ASB4: variants seen among roughly 807,000 people sequenced by gnomAD.
ASB4 encodes ankyrin repeat and SOCS box containing 4, also known as ankyrin repeat and SOCS box protein 4.
In ASB4, 35 loss-of-function variants were observed where a neutral mutation model predicts 38.6. The ratio of observed to expected loss-of-function variants is 0.91; its 90% CI spans 0.69 to 1.20. The LOEUF is 1.20. Among genes scored for constraint, ASB4 ranks in the 50% most tolerant of loss-of-function variants. ASB4 has a pLI of 0.00. For missense variants in ASB4, 557 were observed against 527.2 expected, an observed-to-expected ratio of 1.06 and a Z score of -0.55; for synonymous variants, 195 against 201.3, an observed-to-expected ratio of 0.97 and a Z score of 0.26.
At chr7:95,523,984 GAAA>G (rs1424604831) in intron 2 of ASB4, among the ~76,000 whole-genome samples, 1 of 152,174 alleles carries the variant, frequency 6.6e-6, no homozygotes, top group African/African-American at 2.4e-5. Flanking sequence ...TAAATAGACG[GAAA>G]ATACCAATGT....
chr7:95,543,748 G>A, downstream of ASB4: 1 of 152,222 alleles, frequency 6.6e-6, no homozygotes, highest in Non-Finnish European at 1.5e-5. Context: ...TGTTGTGTGT[G>A]GGGAGCAGAG....
the ASB4 span, among the ~76,000 whole-genome samples, chr7:95,551,220 A>G: frequency 2.0e-5 from 3 of 152,206 alleles, no homozygotes; most frequent in Non-Finnish European, 2.9e-5. Flanking sequence ...ACCTCGGGAC[A>G]TCCACTCGGC....
At chr7:95,515,267 CTCTT>C (rs1227960057) in intron 2 of ASB4, among the ~76,000 whole-genome samples, 6,845 of 72,572 alleles carry the variant, frequency 0.094, 440 homozygotes, top group Middle Eastern at 0.12. Context: ...TTCTTTCTTT[CTCTT>C]TCTTTCTTTC....
At chr7:95,502,796 T>C (rs1001620451) in intron 2 of ASB4, among the ~76,000 whole-genome samples, 1 of 152,196 alleles carries the variant, frequency 6.6e-6, no homozygotes, top group Non-Finnish European at 1.5e-5. Flanking sequence ...TGTACCACAA[T>C]TGAAAATATA....
intron 2 of ASB4, among the ~76,000 whole-genome samples, chr7:95,512,905 C>T (rs1288416705): frequency 6.6e-6 from 1 of 152,168 alleles, no homozygotes; most frequent in East Asian, 1.9e-4. Context: ...CCTGTGATTA[C>T]ATGTTACTTG....
At chr7:95,513,510 A>G (rs1562816377) in intron 2 of ASB4, among the ~76,000 whole-genome samples, 1 of 152,022 alleles carries the variant, frequency 6.6e-6, no homozygotes, top group African/African-American at 2.4e-5. Flanking sequence ...AAGACTTTCA[A>G]TGGAGTGGAT....
At chr7:95,504,350 A>C (rs112363198) in intron 2 of ASB4, among the ~76,000 whole-genome samples, 14,078 of 152,192 alleles carry the variant, frequency 0.093, 843 homozygotes, top group African/African-American at 0.16. Flanking sequence ...ACACAAGTCA[A>C]CCACATGTTA....
At position 95,537,766 on chromosome 7, in the gene ASB4, T is replaced by C; in HGVS notation, c.*7T>C. 1.2e-6 allele frequency: 2 copies of C among 1,611,228 alleles called. No individual in the cohort carries two copies. The highest frequency in any genetic ancestry group is 8.5e-7 in the Non-Finnish European group (1 of 1,178,060). On this transcript the variant is annotated 3_prime_UTR_variant, in exon 5 of 5. Transcript: ENST00000325885. The stretch of plus-strand genomic sequence containing the variant: ...AGAGGGAATTATTTATTAAGCCTTA[T>C]GAGACAGCAGTTCCCAATCCTAGGT...
chr7:95,528,028 T>C lies in ASB4; in HGVS notation c.703T>C (p.Cys235Arg). The C allele has an allele frequency of 6.2e-7, 1 of 1,614,152 alleles. No individual in the cohort carries two copies. Among genetic ancestry groups the C allele is most frequent in the Non-Finnish European group, 8.5e-7 (1 of 1,180,034 alleles). ...GTACAGCACGGAGCACCACCTGGTC[T>C]GCCGCATGCTGCTTGACTACAAAGC... is the stretch of plus-strand genomic sequence containing the variant. ...QEYSTEHHLVCRMLLDYKAEV... is the reference protein window; with the variant it reads ...QEYSTEHHLVRRMLLDYKAEV... The change falls in exon 3 of 5, where the codon TGC becomes CGC. Residue 235 changes from cysteine (C) to arginine (R), a missense_variant. Cys to Arg is a radical substitution (Grantham distance 180). Transcript: ENST00000325885.
At chr7:95,479,129 G>A (rs1790002978) in intron 1 of ASB4, among the ~76,000 whole-genome samples, 1 of 152,154 alleles carries the variant, frequency 6.6e-6, no homozygotes, top group Non-Finnish European at 1.5e-5. Flanking sequence ...TGTCTAGTAG[G>A]TCTCATTTTA....
chr7:95,499,866 T>C (rs960738699), intron 2 of ASB4, among the ~76,000 whole-genome samples: 2 of 12,776 alleles, frequency 1.6e-4, no homozygotes, highest in African/African-American at 5.1e-4. Context: ...ATACATCCTC[T>C]TTTTTTTTTT....
intron 2 of ASB4, among the ~76,000 whole-genome samples, chr7:95,521,976 T>C (rs541125766): frequency 6.6e-6 from 1 of 152,098 alleles, no homozygotes; most frequent in East Asian, 1.9e-4. Flanking sequence ...AAAGCAAATA[T>C]GGTAATAATT....
At chr7:95,522,258 T>C (rs974159955) in intron 2 of ASB4, among the ~76,000 whole-genome samples, 2 of 152,180 alleles carry the variant, frequency 1.3e-5, no homozygotes, top group African/African-American at 4.8e-5. Flanking sequence ...AACTTTGATT[T>C]ATTAGAACTT....
intron 2 of ASB4, among the ~76,000 whole-genome samples, chr7:95,511,325 C>T (rs952674321): frequency 3.9e-4 from 60 of 151,988 alleles, no homozygotes; most frequent in Admixed American, 3.9e-3. Context: ...CAAATCACTC[C>T]AGCCCCCTTT....
downstream of ASB4, chr7:95,543,487 G>A (rs151016347): frequency 1.5e-3 from 231 of 152,422 alleles, 2 homozygotes; most frequent in African/African-American, 5.1e-3. Context: ...CAGCCTGGGC[G>A]GTGGTCGGGA....
At chr7:95,511,104 G>A (rs1254601221) in intron 2 of ASB4, among the ~76,000 whole-genome samples, 8 of 152,056 alleles carry the variant, frequency 5.3e-5, no homozygotes, top group Non-Finnish European at 4.4e-5. Flanking sequence ...ATACAAATAG[G>A]GGAAATGATG....
the ASB4 span, among the ~76,000 whole-genome samples, chr7:95,546,449 T>C: frequency 2.0e-5 from 3 of 152,320 alleles, no homozygotes; most frequent in Non-Finnish European, 4.4e-5. Context: ...TGGAGCAAGG[T>C]TGACTCATTG....
chr7:95,512,299 A>G (rs1358790488), intron 2 of ASB4, among the ~76,000 whole-genome samples: 1 of 152,212 alleles, frequency 6.6e-6, no homozygotes, highest in Non-Finnish European at 1.5e-5. Flanking sequence ...ACTTCTTTGA[A>G]TCTTAGCCCT....
rs1265645365 is a variant in ASB4 at position 95,528,023 on chromosome 7, T to C, written c.698T>C (p.Leu233Pro). The C allele has an allele frequency of 1.2e-6, 2 of 1,614,126 alleles. No homozygotes were observed. Among genetic ancestry groups the C allele is most frequent in the Non-Finnish European group, 8.5e-7 (1 of 1,180,018 alleles). The change falls in exon 3 of 5, where the codon CTG becomes CCG. Residue 233 changes from leucine (L) to proline (P), a missense_variant. By Grantham distance (98) the Leu-to-Pro change is moderately conservative. Coordinates refer to ENST00000325885, the MANE Select transcript of ASB4 (RefSeq NM_016116.3). Reference sequence around the variant, plus strand: ...CAGGAGTACAGCACGGAGCACCACCTGGTCTGCCGCATGCTGCTTGACTAC... The same window carrying C: ...CAGGAGTACAGCACGGAGCACCACCCGGTCTGCCGCATGCTGCTTGACTAC... ...KEQEYSTEHH[L>P]VCRMLLDYKA...
Sources: gnomAD v4.1 joint callset for allele counts (sites outside exome capture counted in the v4.1 genomes callset) on GRCh38, gnomAD v4.1.1 for gene constraint, MANE v1.5 for transcripts, NCBI Gene and HGNC (gene_info 2026-07-23, HGNC 2026-07-21) for gene names.